The following IQCE variants were observed in gnomAD, a reference collection of about 807,000 sequenced individuals.
IQCE encodes the protein IQ motif containing E.
Under a neutral mutation model 96.0 loss-of-function variants are expected in IQCE, and 115 were observed. The observed-to-expected ratio is 1.20, with a 90% CI of 1.03 to 1.40. The LOEUF (loss-of-function observed/expected upper bound fraction) is 1.40, where lower values mean the gene tolerates loss of function less well. Ranked by LOEUF, IQCE falls within the 40% of genes most tolerant of loss-of-function variation. The pLI, the probability that IQCE is intolerant of heterozygous loss-of-function variation, is 0.00. For missense variants in IQCE, 1,041 were observed against 909.1 expected (o/e 1.15, Z -1.87); for synonymous variants, 412 against 371.2 (o/e 1.11, Z -1.26).
chr7:2,593,904 G>C (rs1023245184), intron 15 of IQCE, among the ~76,000 whole-genome samples: 2 of 152,194 alleles, frequency 1.3e-5, no homozygotes, highest in African/African-American at 4.8e-5. Flanking sequence ...AAAAAACTAG[G>C]TTAGAAATCT....
In IQCE at chr7:2,605,143, C is replaced by T; in HGVS notation, c.1743+152C>T. 8.1e-6 allele frequency: 5 copies of T among 620,356 alleles called. No individual in the cohort carries two copies. The South Asian group carries it at 9.1e-5, about 11-fold the overall frequency. The allele number at this position is 620,356 out of a possible 1,614,324, so 38.4% of individuals were successfully genotyped here. On this transcript the variant is annotated intron_variant, in intron 19 of 21. Coordinates refer to ENST00000402050, the MANE Select transcript of IQCE (RefSeq NM_152558.5). The stretch of plus-strand genomic sequence containing the variant: ...GCGCTCCATCCCTGGCCACGCAGGC[C>T]ATGCAGGCTTCTCTGCGCAGGCCCC...
At chr7:2,585,777 C>G (rs1411488876) in intron 11 of IQCE, among the ~76,000 whole-genome samples, 1 of 152,210 alleles carries the variant, frequency 6.6e-6, no homozygotes. Flanking sequence ...TGATTTTCGG[C>G]TGATGGATCC....
At chr7:2,568,489 T>C (rs1306266073) in intron 2 of IQCE, among the ~76,000 whole-genome samples, 1 of 152,178 alleles carries the variant, frequency 6.6e-6, no homozygotes, top group East Asian at 1.9e-4. Flanking sequence ...GGCATCGTGG[T>C]TGTCACAGGA....
chr7:2,609,311 C>CTT lies in IQCE; in HGVS notation c.1970-716_1970-715dup, dbSNP rs58620813. ...GCCAGCGAGTTAACAGGGAAGTTGG[C>CTT]TTTTTTTTTTTTTTTTTTGAAGTGC... On this transcript the variant is annotated intron_variant, in intron 21 of 21. Coordinates refer to ENST00000402050, the MANE Select transcript of IQCE (RefSeq NM_152558.5). Among the ~76,000 whole-genome samples, 35 of 139,898 alleles carry CTT rather than the reference C, an allele frequency of 2.5e-4. 1 individual carries two copies. Among genetic ancestry groups the CTT allele is most frequent in the Middle Eastern group, 7.7e-3 (2 of 260 alleles). 91.8% of individuals were successfully genotyped at this position (139,898 alleles called of 152,430 possible).
chr7:2,605,564 G>A (rs1474500155), intron 19 of IQCE, among the ~76,000 whole-genome samples: 2 of 152,070 alleles, frequency 1.3e-5, no homozygotes, highest in Non-Finnish European at 2.9e-5. Flanking sequence ...AGCTTACAGT[G>A]AGTCGAGATC....
At chr7:2,605,220 G>T (rs1203773470) in intron 19 of IQCE, among the ~76,000 whole-genome samples, 2 of 152,240 alleles carry the variant, frequency 1.3e-5, no homozygotes, top group African/African-American at 2.4e-5. Flanking sequence ...GCGTTAAGCT[G>T]CCGGAGAGTC....
chr7:2,586,390 C>T lies in IQCE; in HGVS notation c.988+19C>T. The T allele has an allele frequency of 1.3e-6, 2 of 1,576,442 alleles. No homozygotes were observed. Among genetic ancestry groups the T allele is most frequent in the Non-Finnish European group, 1.7e-6 (2 of 1,168,160 alleles). ...ACACAGGGTACCTTCCTGAAAGCCACTCCAGGAGGGAGGCCAGGGAATGGC... is the reference window on the plus strand; with the variant it reads ...ACACAGGGTACCTTCCTGAAAGCCATTCCAGGAGGGAGGCCAGGGAATGGC... On this transcript the variant is annotated intron_variant, in intron 12 of 21. Coordinates refer to ENST00000402050, the MANE Select transcript of IQCE (RefSeq NM_152558.5).
chr7:2,563,669 C>A (rs13307906), intron 1 of IQCE, among the ~76,000 whole-genome samples: 1 of 151,838 alleles, frequency 6.6e-6, no homozygotes, highest in Admixed American at 6.6e-5. Context: ...CCGAGGCGGG[C>A]GGATCACGAG....
At chr7:2,573,529 A>C (rs1781908930) in intron 6 of IQCE, 41 bp downstream of exon 6, 1 of 1,075,938 alleles carries the variant, frequency 9.3e-7, no homozygotes, top group African/African-American at 1.6e-5. Flanking sequence ...GAAACGGTGA[A>C]AGCTTCCTAT....
chr7:2,574,408 C>T (rs909461787), intron 6 of IQCE, among the ~76,000 whole-genome samples: 2 of 152,204 alleles, frequency 1.3e-5, no homozygotes, highest in Non-Finnish European at 2.9e-5. Flanking sequence ...TCTCTGTTGG[C>T]CAGAGAGAAC....
chr7:2,564,521 C>A (rs903375424), intron 1 of IQCE, among the ~76,000 whole-genome samples: 1 of 151,938 alleles, frequency 6.6e-6, no homozygotes, highest in Non-Finnish European at 1.5e-5. Context: ...TCGCTTGTAC[C>A]CGGGAGGTGG....
intron 13 of IQCE, 32 bp from the exon 14 acceptor site, chr7:2,589,875 T>C (rs776386182): frequency 6.2e-5 from 99 of 1,594,112 alleles, no homozygotes; most frequent in Non-Finnish European, 8.3e-5. Context: ...AAATGAGAAC[T>C]AGTATCTAAC....
intron 5 of IQCE, chr7:2,572,607 A>G (rs1583408939): frequency 2.5e-5 from 15 of 588,478 alleles, no homozygotes; most frequent in Middle Eastern, 2.7e-4. Context: ...AAATTTATTC[A>G]TTGAGTAAAT....
At position 2,578,351 on chromosome 7, in the gene IQCE, G is replaced by A; in HGVS notation, c.575G>A (p.Ser192Asn). ...DRQIEQLLDP[S>N]RGTDFVRTLA... The stretch of plus-strand genomic sequence containing the variant: ...CAGATAGAGCAGCTCCTGGATCCCA[G>A]CCGCGTAAGCTCCTGGCGCTTCACG... Residue 192 changes from serine (S) to asparagine (N), a missense_variant, in exon 7 of 22, where the codon AGC becomes AAC. Transcript: ENST00000402050. 6.2e-7 allele frequency: 1 copy of A among 1,613,550 alleles called. No homozygotes were observed. The highest frequency in any genetic ancestry group is 8.5e-7 in the Non-Finnish European group (1 of 1,179,766).
In IQCE at chr7:2,567,085, C is replaced by T. The variant is rs773756741; in HGVS notation, c.37-31C>T. The T allele has an allele frequency of 7.5e-6, 12 of 1,605,164 alleles. No individual in the cohort carries two copies. The East Asian group carries it at 8.9e-5, about 12-fold the overall frequency. On this transcript the variant is annotated intron_variant, in intron 1 of 21. Transcript: ENST00000402050. ...TGGTCGGAAGCCCAGCAGGTGCCGTCGAGTTACAGTGTTTGCCTCTCTTCC... is the reference window on the plus strand; with the variant it reads ...TGGTCGGAAGCCCAGCAGGTGCCGTTGAGTTACAGTGTTTGCCTCTCTTCC...
rs1013721471 is a variant in IQCE at position 2,581,964 on chromosome 7, G to A, written c.631-616G>A. On this transcript the variant is annotated intron_variant, in intron 8 of 21. Coordinates refer to ENST00000402050, the MANE Select transcript of IQCE (RefSeq NM_152558.5). ...CCTGACCCCATGATCCACCCGCCTC[G>A]GCCTCCCAAAGTGCTGGGATTACAG... 57 of 413,942 alleles carry A rather than the reference G, an allele frequency of 1.4e-4. 1 individual carries two copies. Among genetic ancestry groups the A allele is most frequent in the African/African-American group, 9.2e-4 (44 of 48,028 alleles). The allele number at this position is 413,942 out of a possible 1,614,324, so 25.6% of individuals were successfully genotyped here. A position where few individuals can be genotyped will look rare whatever the true frequency, so the allele number is the denominator to read the frequency against.
intron 16 of IQCE, chr7:2,598,106 C>T: frequency 4.9e-6 from 1 of 202,460 alleles, no homozygotes; most frequent in Non-Finnish European, 9.8e-6. Flanking sequence ...AGAAAAGGAC[C>T]CCAGAAAAAC....
In IQCE at chr7:2,593,111, G is replaced by A. The variant is rs373807860; in HGVS notation, c.1334G>A (p.Arg445Gln). ...GAGGGCGAGGAGGAGAGGAGAGAGC[G>A]AGAGGAGGTTTTGAGGTATGTGACC... The part of the protein sequence containing the change: ...AREGEEERRE[R>Q]EEVLREEIQT... Residue 445 changes from arginine to glutamine, a missense_variant, in exon 15 of 22, where the codon CGA becomes CAA. Coordinates refer to ENST00000402050, the MANE Select transcript of IQCE (RefSeq NM_152558.5). 26 of 1,611,786 alleles carry A rather than the reference G, an allele frequency of 1.6e-5. No homozygotes were observed. In the African/African-American group the frequency reaches 2.5e-4, roughly 16 times the overall value.
At chr7:2,568,118 C>G (rs1374246157) in intron 2 of IQCE, among the ~76,000 whole-genome samples, 1 of 152,168 alleles carries the variant, frequency 6.6e-6, no homozygotes, top group Non-Finnish European at 1.5e-5. Context: ...TTGTGTGTCT[C>G]TAATGCAAAA....
Sources: allele counts gnomAD v4.1 joint callset (sites outside exome capture counted in the v4.1 genomes callset), GRCh38; gene constraint gnomAD v4.1.1; transcripts MANE v1.5; gene names NCBI Gene and HGNC (gene_info 2026-07-23, HGNC 2026-07-21).